The following WDR7 variants were observed in gnomAD, a reference collection of about 807,000 sequenced individuals.
WDR7 encodes the protein WD repeat domain 7.
A neutral mutation model predicts 169.4 loss-of-function variants in WDR7; 46 were observed. The observed-to-expected ratio is 0.27, with a 90% CI of 0.21 to 0.35. The LOEUF (loss-of-function observed/expected upper bound fraction) is 0.35. Among genes scored for constraint, WDR7 ranks in the 10% least tolerant of loss-of-function variants. The pLI is 1.00. For missense variants in WDR7, 1,534 were observed against 1,859.3 expected (o/e 0.83, Z 3.22); for synonymous variants, 612 against 666.8 (o/e 0.92, Z 1.27).
intron 20 of WDR7, among the ~76,000 whole-genome samples, chr18:56,875,082 A>G (rs2046005218): frequency 6.6e-6 from 1 of 152,208 alleles, no homozygotes; most frequent in African/African-American, 2.4e-5. Context: ...ACAGCTAAAC[A>G]ATGGAATTTA....
chr18:56,741,313 C>T (rs569689251), intron 14 of WDR7, among the ~76,000 whole-genome samples: 4 of 152,214 alleles, frequency 2.6e-5, no homozygotes, highest in East Asian at 1.9e-4. Context: ...TAAATGTTAT[C>T]GAATCATCTT....
At chr18:56,871,737 T>C (rs2045956120) in intron 20 of WDR7, among the ~76,000 whole-genome samples, 1 of 152,080 alleles carries the variant, frequency 6.6e-6, no homozygotes, top group South Asian at 2.1e-4. Context: ...TGCCAGAAAT[T>C]TCTGGCATAA....
chr18:56,695,974 T>G (rs1019423051), intron 11 of WDR7, among the ~76,000 whole-genome samples: 2 of 152,182 alleles, frequency 1.3e-5, no homozygotes, highest in African/African-American at 4.8e-5. Flanking sequence ...GATGAAATAT[T>G]TTAGGTTTTT....
Position 56,657,665 on chromosome 18 carries a change from T to G in WDR7, c.-20+6089T>G, listed in dbSNP as rs552500789. On this transcript the variant is annotated intron_variant, in intron 1 of 27. Coordinates refer to ENST00000254442, the MANE Select transcript of WDR7 (RefSeq NM_015285.3). ...CTATGATAGTAATGTTAACTTACAA[T>G]TTGAATTCCATCCATATGGTTCGTT... 2.4e-4 allele frequency among the ~76,000 whole-genome samples: 36 copies of G among 152,352 alleles called. No homozygotes were observed. In the South Asian group the frequency reaches 7.3e-3, roughly 31 times the overall value.
At chr18:56,729,814 T>C (rs938584859) in intron 13 of WDR7, among the ~76,000 whole-genome samples, 1 of 152,182 alleles carries the variant, frequency 6.6e-6, no homozygotes, top group African/African-American at 2.4e-5. Context: ...GTTAAAAAAA[T>C]TACTAATTTT....
intron 25 of WDR7, among the ~76,000 whole-genome samples, chr18:56,962,000 A>G (rs1298199531): frequency 6.6e-6 from 1 of 152,176 alleles, no homozygotes; most frequent in Non-Finnish European, 1.5e-5. Context: ...TAATACTATA[A>G]TAAACCAGGA....
At chr18:56,679,189 A>C in intron 2 of WDR7, 143 bp from the exon 3 acceptor site, 1 of 590,452 alleles carries the variant, frequency 1.7e-6, no homozygotes, top group Admixed American at 3.1e-5. Context: ...CGGCTCCAGC[A>C]GTGCTTTGCA....
chr18:56,896,303 T>G (rs1173699236), intron 21 of WDR7, among the ~76,000 whole-genome samples: 1 of 151,832 alleles, frequency 6.6e-6, no homozygotes, highest in Admixed American at 6.6e-5. Flanking sequence ...AGTTGAATAT[T>G]TGTCATCGTT....
intron 25 of WDR7, among the ~76,000 whole-genome samples, chr18:56,939,867 C>G (rs1411133509): frequency 6.6e-6 from 1 of 151,374 alleles, no homozygotes. Flanking sequence ...GGAAAAGAAG[C>G]CAAGAAAAGT....
In WDR7 at chr18:56,733,652, A is replaced by G. The variant is rs143347649; in HGVS notation, c.1989+2055A>G. Among the ~76,000 whole-genome samples, 191 of 152,320 alleles carry G rather than the reference A, an allele frequency of 1.3e-3. 1 individual carries two copies. The highest frequency in any genetic ancestry group is 4.4e-3 in the African/African-American group (185 of 41,576). On this transcript the variant is annotated intron_variant, in intron 14 of 27. Coordinates refer to ENST00000254442, the MANE Select transcript of WDR7 (RefSeq NM_015285.3). ...AATTATACTGGACATTGAAAACTTC[A>G]CAAAGATGGAGAATTTACTATCCTG...
chr18:56,896,565 C>G (rs1293552980), intron 21 of WDR7, among the ~76,000 whole-genome samples: 1 of 151,670 alleles, frequency 6.6e-6, no homozygotes, highest in African/African-American at 2.4e-5. Context: ...TTATATAGAC[C>G]TAGCATTGTA....
At chr18:56,819,810 T>C (rs2045055394) in intron 20 of WDR7, among the ~76,000 whole-genome samples, 1 of 152,172 alleles carries the variant, frequency 6.6e-6, no homozygotes, top group Admixed American at 6.5e-5. Flanking sequence ...TTCTAGATTA[T>C]AATTTGAGTC....
At chr18:56,987,728 T>C (rs1451249046) in intron 26 of WDR7, among the ~76,000 whole-genome samples, 1 of 152,212 alleles carries the variant, frequency 6.6e-6, no homozygotes, top group Non-Finnish European at 1.5e-5. Flanking sequence ...GTAAAGAGTA[T>C]ATCACGTTAT....
intron 26 of WDR7, among the ~76,000 whole-genome samples, chr18:57,004,572 A>C (rs2048028935): frequency 6.6e-6 from 1 of 152,148 alleles, no homozygotes; most frequent in Non-Finnish European, 1.5e-5. Context: ...CTCTCATTTG[A>C]TGGCTGCCCA....
chr18:56,704,923 T>C (rs1489375030), intron 12 of WDR7, among the ~76,000 whole-genome samples: 1 of 152,244 alleles, frequency 6.6e-6, no homozygotes, highest in African/African-American at 2.4e-5. Flanking sequence ...GAGAAAGTAT[T>C]ACACAACAAC....
intron 1 of WDR7, among the ~76,000 whole-genome samples, chr18:56,670,744 C>A (rs2025116398): frequency 6.6e-6 from 1 of 152,126 alleles, no homozygotes; most frequent in African/African-American, 2.4e-5. Context: ...CTCTTGACCT[C>A]AAGTGATCTG....
chr18:56,958,095 G>A (rs2047281718), intron 25 of WDR7, among the ~76,000 whole-genome samples: 1 of 152,172 alleles, frequency 6.6e-6, no homozygotes, highest in African/African-American at 2.4e-5. Flanking sequence ...GAGTGCCAAA[G>A]TTATTTAGAA....
At chr18:56,847,772 G>A (rs1278402789) in intron 20 of WDR7, among the ~76,000 whole-genome samples, 1 of 152,208 alleles carries the variant, frequency 6.6e-6, no homozygotes, top group Non-Finnish European at 1.5e-5. Context: ...CATTCCAGAG[G>A]GCGAAAGCTA....
At chr18:57,025,392 A>G (rs539350229) in intron 27 of WDR7, among the ~76,000 whole-genome samples, 1 of 152,312 alleles carries the variant, frequency 6.6e-6, no homozygotes, top group African/African-American at 2.4e-5. Flanking sequence ...TATTTTAACT[A>G]TTTGGGAACA....
Sources: allele counts gnomAD v4.1 joint callset (sites outside exome capture counted in the v4.1 genomes callset), GRCh38; gene constraint gnomAD v4.1.1; transcripts MANE v1.5; gene names NCBI Gene and HGNC (gene_info 2026-07-23, HGNC 2026-07-21).